Variants in ZNF407 observed in about 807,000 individuals in gnomAD.
The protein encoded by ZNF407 is zinc finger protein 407.
A neutral mutation model predicts 131.2 loss-of-function variants in ZNF407; 17 were observed. The observed-to-expected ratio is 0.13, with a 90% CI of 0.09 to 0.19. The LOEUF (loss-of-function observed/expected upper bound fraction) is 0.19. Among genes scored for constraint, ZNF407 ranks in the 10% least tolerant of loss-of-function variants. ZNF407 has a pLI of 1.00. For missense variants in ZNF407, 2,681 were observed against 2,830.6 expected (o/e 0.95, Z 1.20); for synonymous variants, 1,156 against 1,062.0 (o/e 1.09, Z -1.72).
chr18:75,033,626 A>G (rs939722372), intron 8 of ZNF407, among the ~76,000 whole-genome samples: 9 of 152,350 alleles, frequency 5.9e-5, no homozygotes, highest in Admixed American at 5.9e-4. Context: ...ATTTATTACC[A>G]TGCCATCTTC....
chr18:74,761,226 C>T (rs1361739839), intron 3 of ZNF407, among the ~76,000 whole-genome samples: 1 of 152,054 alleles, frequency 6.6e-6, no homozygotes, highest in Non-Finnish European at 1.5e-5. Context: ...CACTTAATTT[C>T]AGGATAGTAA....
chr18:74,833,451 G>A (rs2554116), intron 4 of ZNF407, among the ~76,000 whole-genome samples: 151,827 of 152,358 alleles, frequency 1, 75,649 homozygotes, highest in Middle Eastern at 1. Flanking sequence ...AACGACCTCA[G>A]TGAGGCTCCA....
chr18:74,660,575 A>G (rs1463454273), intron 3 of ZNF407, among the ~76,000 whole-genome samples: 1 of 152,134 alleles, frequency 6.6e-6, no homozygotes, highest in African/African-American at 2.4e-5. Flanking sequence ...TAGAAACTAC[A>G]CGTTAGCAGA....
chr18:74,899,604 T>C (rs1255329440), intron 7 of ZNF407, among the ~76,000 whole-genome samples: 3 of 152,180 alleles, frequency 2.0e-5, no homozygotes, highest in African/African-American at 7.2e-5. Flanking sequence ...TGGAACTTGA[T>C]GTGATTGATG....
chr18:74,607,389 A>G (rs1037260726), intron 1 of ZNF407, among the ~76,000 whole-genome samples: 11 of 152,176 alleles, frequency 7.2e-5, no homozygotes, highest in Non-Finnish European at 1.5e-5. Flanking sequence ...TCCCAGGTTT[A>G]TACCAGACTA....
At chr18:74,840,608 G>C (rs1970618710) in intron 4 of ZNF407, among the ~76,000 whole-genome samples, 1 of 151,890 alleles carries the variant, frequency 6.6e-6, no homozygotes. Context: ...TGAACTTCTG[G>C]GCTCAGGCAC....
intron 8 of ZNF407, among the ~76,000 whole-genome samples, chr18:74,930,584 T>C (rs1050971672): frequency 1.3e-5 from 2 of 152,256 alleles, no homozygotes; most frequent in African/African-American, 4.8e-5. Context: ...AATTATTCTG[T>C]AAGGAATGGT....
intron 4 of ZNF407, among the ~76,000 whole-genome samples, chr18:74,855,220 T>G (rs1970843062): frequency 6.6e-6 from 1 of 152,234 alleles, no homozygotes; most frequent in Non-Finnish European, 1.5e-5. Flanking sequence ...TGTTCTATTT[T>G]GTAGGCTAGG....
chr18:75,016,679 T>G (rs1044280896), intron 8 of ZNF407, among the ~76,000 whole-genome samples: 1 of 152,182 alleles, frequency 6.6e-6, no homozygotes, highest in African/African-American at 2.4e-5. Flanking sequence ...GTTATCATTG[T>G]GAGTAATTTT....
intron 3 of ZNF407, among the ~76,000 whole-genome samples, chr18:74,714,880 T>A (rs1366128105): frequency 6.6e-6 from 1 of 151,970 alleles, no homozygotes. Flanking sequence ...AGTTGGTAAA[T>A]TTTTTTTGCT....
At chr18:75,057,760 G>A (rs1243401589) in intron 8 of ZNF407, among the ~76,000 whole-genome samples, 2 of 151,810 alleles carry the variant, frequency 1.3e-5, no homozygotes, top group Admixed American at 6.6e-5. Context: ...TATTCAGGAT[G>A]GTACTAAAAG....
At chr18:74,839,646 A>G (rs1385659082) in intron 4 of ZNF407, among the ~76,000 whole-genome samples, 1 of 152,218 alleles carries the variant, frequency 6.6e-6, no homozygotes, top group African/African-American at 2.4e-5. Flanking sequence ...TCTCCAGGTT[A>G]CTAAATGTAA....
intron 3 of ZNF407, among the ~76,000 whole-genome samples, chr18:74,658,820 C>A (rs1985591111): frequency 6.6e-6 from 1 of 152,080 alleles, no homozygotes; most frequent in African/African-American, 2.4e-5. Flanking sequence ...GACATTTATT[C>A]AACTATGATA....
At chr18:74,734,175 A>T (rs1968357273) in intron 3 of ZNF407, among the ~76,000 whole-genome samples, 1 of 152,146 alleles carries the variant, frequency 6.6e-6, no homozygotes, top group African/African-American at 2.4e-5. Context: ...ATGCAGAAGG[A>T]AACCAGTAAA....
intron 4 of ZNF407, among the ~76,000 whole-genome samples, chr18:74,872,754 CAAAAAAAAAAAGAA>C (rs1398114631): frequency 7.3e-5 from 5 of 68,082 alleles, no homozygotes; most frequent in Non-Finnish European, 1.4e-4. Flanking sequence ...GACTCAGTCT[CAAAAAAAAAAAGAA>C]AAAAAAAAAA....
At chr18:74,676,706 T>C (rs538423653) in intron 3 of ZNF407, among the ~76,000 whole-genome samples, 17 of 152,138 alleles carry the variant, frequency 1.1e-4, no homozygotes, top group South Asian at 4.1e-4. Flanking sequence ...AATGCTGGGA[T>C]TACAGACGTG....
intron 6 of ZNF407, among the ~76,000 whole-genome samples, chr18:74,886,768 G>A (rs1429247528): frequency 6.6e-6 from 1 of 152,146 alleles, no homozygotes; most frequent in Non-Finnish European, 1.5e-5. Flanking sequence ...AAGTTAAAAG[G>A]AGTCTTTTTG....
At chr18:74,978,328 C>T (rs1050441219) in intron 8 of ZNF407, among the ~76,000 whole-genome samples, 1 of 152,048 alleles carries the variant, frequency 6.6e-6, no homozygotes, top group South Asian at 2.1e-4. Context: ...TGGTCTGGAC[C>T]TCATCAAATA....
chr18:74,644,485 C>T (rs371672218), intron 3 of ZNF407, among the ~76,000 whole-genome samples: 7 of 151,678 alleles, frequency 4.6e-5, no homozygotes, highest in Non-Finnish European at 5.9e-5. Flanking sequence ...TAGTCAAAAA[C>T]GTAAAAATCT....
Sources: allele counts gnomAD v4.1 joint callset (sites outside exome capture counted in the v4.1 genomes callset), GRCh38; gene constraint gnomAD v4.1.1; transcripts MANE v1.5; gene names NCBI Gene and HGNC (gene_info 2026-07-23, HGNC 2026-07-21).